Variants in RARB observed in about 807,000 individuals in gnomAD.
RARB encodes the protein HBV-activated protein.
Under a neutral mutation model 51.9 loss-of-function variants are expected in RARB, and 17 were observed. The observed-to-expected ratio is 0.33, with a 90% CI of 0.22 to 0.49. RARB has a LOEUF of 0.49. Ranked by LOEUF, RARB falls within the 20% of genes least tolerant of loss-of-function variation. The pLI, the probability that RARB is intolerant of heterozygous loss-of-function variation, is 0.99. For missense variants in RARB, 369 were observed against 550.8 expected (o/e 0.67, Z 3.30); for synonymous variants, 215 against 195.4 (o/e 1.10, Z -0.84).
chr3:25,478,604 G>A (rs1197441502), intron 2 of RARB, among the ~76,000 whole-genome samples: 1 of 152,226 alleles, frequency 6.6e-6, no homozygotes, highest in Admixed American at 6.5e-5. Context: ...TTAAGCTGCT[G>A]TGAGTGCGTT....
Position 25,286,279 on chromosome 3 carries a change from G to A in RARB, c.178+111704G>A, listed in dbSNP as rs185906553. 6.6e-3 allele frequency among the ~76,000 whole-genome samples: 1,007 copies of A among 151,918 alleles called. 8 individuals carry two copies. The highest frequency in any genetic ancestry group is 0.023 in the African/African-American group (950 of 41,446). ...AATTTTTTGTATTTTGAGCAGAGAC[G>A]GGGTTTCACCGTGTTAGCCAGGATG... On this transcript the variant is annotated intron_variant, in intron 5 of 11. Transcript: ENST00000383772.
At chr3:25,492,243 T>A (rs1696776104) in intron 2 of RARB, among the ~76,000 whole-genome samples, 1 of 152,208 alleles carries the variant, frequency 6.6e-6, no homozygotes, top group African/African-American at 2.4e-5. Context: ...ATTTAAGAAG[T>A]ATGGTATCCA....
At chr3:25,022,923 G>A (rs1396854888) in intron 2 of RARB, among the ~76,000 whole-genome samples, 1 of 152,134 alleles carries the variant, frequency 6.6e-6, no homozygotes, top group Non-Finnish European at 1.5e-5. Context: ...GAGAACTAAG[G>A]AGCTTTATAT....
chr3:25,069,209 G>A (rs937782261), intron 3 of RARB, among the ~76,000 whole-genome samples: 3 of 150,034 alleles, frequency 2.0e-5, no homozygotes, highest in African/African-American at 7.4e-5. Flanking sequence ...CTGTGAGAAA[G>A]ATTTTTTTTT....
chr3:25,230,817 T>C (rs538649685), intron 5 of RARB, among the ~76,000 whole-genome samples: 6 of 152,240 alleles, frequency 3.9e-5, no homozygotes, highest in Admixed American at 2.6e-4. Flanking sequence ...CTTGTAGCTA[T>C]TGAGCACGTG....
chr3:25,403,609 C>G (rs1390367395), intron 5 of RARB, among the ~76,000 whole-genome samples: 1 of 151,956 alleles, frequency 6.6e-6, no homozygotes, highest in Non-Finnish European at 1.5e-5. Flanking sequence ...AACTTTAGAA[C>G]CAGAATAAAA....
chr3:25,146,899 A>G (rs1338801275), intron 4 of RARB, among the ~76,000 whole-genome samples: 2 of 152,184 alleles, frequency 1.3e-5, no homozygotes, highest in Admixed American at 6.5e-5. Context: ...CTTCCATACC[A>G]GAGACCCTTC....
At chr3:25,180,755 A>G (rs534320136) in intron 5 of RARB, among the ~76,000 whole-genome samples, 7 of 152,288 alleles carry the variant, frequency 4.6e-5, no homozygotes, top group African/African-American at 1.7e-4. Flanking sequence ...AGGAGAGGGT[A>G]GGGGAGAAGG....
At chr3:25,035,165 G>A (rs1200704150) in intron 2 of RARB, among the ~76,000 whole-genome samples, 4 of 151,856 alleles carry the variant, frequency 2.6e-5, no homozygotes, top group East Asian at 1.9e-4. Flanking sequence ...TCTATCACTC[G>A]GGCTGCAGTG....
chr3:25,334,374 T>C (rs1046827928), intron 5 of RARB, among the ~76,000 whole-genome samples: 5 of 152,144 alleles, frequency 3.3e-5, no homozygotes, highest in South Asian at 2.1e-4. Flanking sequence ...TTCATGTCCT[T>C]TTTAGGGACA....
chr3:25,428,892 G>T lies in RARB; in HGVS notation c.157+4G>T. 1 of 1,585,778 alleles carries T rather than the reference G, an allele frequency of 6.3e-7. No individual in the cohort carries two copies. Among genetic ancestry groups the T allele is most frequent in the Non-Finnish European group, 8.6e-7 (1 of 1,161,798 alleles). On this transcript the variant is annotated splice_donor_region_variant and intron_variant, in intron 1 of 7. Coordinates refer to ENST00000330688, the MANE Select transcript of RARB (RefSeq NM_000965.5). ...CAGCATCGGCACACTGCTCAATGTAGGTTTATTTTTTTCCCTTCTTCTACC... is the reference window on the plus strand; with the variant it reads ...CAGCATCGGCACACTGCTCAATGTATGTTTATTTTTTTCCCTTCTTCTACC...
At chr3:25,102,583 T>C (rs1575161252) in intron 3 of RARB, among the ~76,000 whole-genome samples, 1 of 152,012 alleles carries the variant, frequency 6.6e-6, no homozygotes, top group Non-Finnish European at 1.5e-5. Flanking sequence ...ATACACATGT[T>C]CAAAATATAT....
At chr3:25,329,532 T>G (rs975456877) in intron 5 of RARB, among the ~76,000 whole-genome samples, 1 of 152,026 alleles carries the variant, frequency 6.6e-6, no homozygotes, top group Non-Finnish European at 1.5e-5. Context: ...AGACCAAAGG[T>G]AGGTAAAACC....
intron 5 of RARB, among the ~76,000 whole-genome samples, chr3:25,349,826 T>C (rs1008777282): frequency 6.6e-6 from 1 of 152,244 alleles, no homozygotes; most frequent in Non-Finnish European, 1.5e-5. Context: ...TCTTTGCTCA[T>C]GAGTCTACAA....
intron 5 of RARB, among the ~76,000 whole-genome samples, chr3:25,420,294 T>C (rs1707824163): frequency 6.6e-6 from 1 of 152,170 alleles, no homozygotes; most frequent in Admixed American, 6.5e-5. Context: ...GCCCCTCTGA[T>C]GTGTTTGTAC....
intron 5 of RARB, among the ~76,000 whole-genome samples, chr3:25,285,692 A>G (rs1703632988): frequency 6.6e-6 from 1 of 152,184 alleles, no homozygotes; most frequent in African/African-American, 2.4e-5. Context: ...AACGAATTGG[A>G]GGGAATGCAG....
intron 3 of RARB, among the ~76,000 whole-genome samples, chr3:25,113,597 G>C (rs1418918991): frequency 1.3e-5 from 2 of 152,028 alleles, no homozygotes; most frequent in Admixed American, 1.3e-4. Context: ...CAATGCATTG[G>C]CTTCATCAAA....
intron 5 of RARB, among the ~76,000 whole-genome samples, chr3:25,307,896 T>A (rs536844824): frequency 1.3e-5 from 2 of 152,368 alleles, no homozygotes; most frequent in South Asian, 4.1e-4. Flanking sequence ...TTTATTTGTT[T>A]ACATATTATC....
At chr3:24,892,560 C>G (rs563503162) in intron 2 of RARB, among the ~76,000 whole-genome samples, 1 of 152,150 alleles carries the variant, frequency 6.6e-6, no homozygotes, top group Admixed American at 6.6e-5. Flanking sequence ...TGTCTGTGAG[C>G]ATTTTATAAA....
Sources: allele counts gnomAD v4.1 joint callset (sites outside exome capture counted in the v4.1 genomes callset), GRCh38; gene constraint gnomAD v4.1.1; transcripts MANE v1.5; gene names NCBI Gene and HGNC (gene_info 2026-07-23, HGNC 2026-07-21).